Variants in KDM4B observed in about 807,000 individuals in gnomAD.
KDM4B encodes the protein lysine-specific demethylase 4B.
A neutral mutation model predicts 125.2 loss-of-function variants in KDM4B; 32 were observed. The ratio of observed to expected loss-of-function variants is 0.26; its 90% CI spans 0.19 to 0.34. The LOEUF (loss-of-function observed/expected upper bound fraction) is 0.34. Ranked by LOEUF, KDM4B falls within the 10% of genes least tolerant of loss-of-function variation. The pLI is 1.00. For synonymous variants in KDM4B, 721 were observed against 677.9 expected, an observed-to-expected ratio of 1.06 and a Z score of -0.99; for missense variants, 1,190 against 1,577.7, an observed-to-expected ratio of 0.75 and a Z score of 4.16.
intron 9 of KDM4B, among the ~76,000 whole-genome samples, chr19:5,089,478 C>G (rs1261736144): frequency 6.6e-6 from 1 of 152,088 alleles, no homozygotes; most frequent in Non-Finnish European, 1.5e-5. Context: ...GAGGTTTGCT[C>G]TGTATCTTTG....
At chr19:5,062,177 C>T (rs1048029082) in intron 6 of KDM4B, among the ~76,000 whole-genome samples, 1 of 152,196 alleles carries the variant, frequency 6.6e-6, no homozygotes, top group African/African-American at 2.4e-5. Context: ...ATCTCCTCTC[C>T]CTCTCTCTCA....
chr19:5,018,243 G>A (rs995728641), intron 2 of KDM4B, among the ~76,000 whole-genome samples: 14 of 152,174 alleles, frequency 9.2e-5, no homozygotes, highest in African/African-American at 3.1e-4. Flanking sequence ...GCCCAGGCTG[G>A]TCTCAAATTC....
At chr19:5,092,616 C>T (rs2038733354) in intron 9 of KDM4B, among the ~76,000 whole-genome samples, 1 of 152,176 alleles carries the variant, frequency 6.6e-6, no homozygotes, top group Non-Finnish European at 1.5e-5. Context: ...ATGGACAGAG[C>T]TGGTTCGGGG....
At chr19:5,053,225 C>T (rs963676531) in intron 6 of KDM4B, among the ~76,000 whole-genome samples, 14 of 152,340 alleles carry the variant, frequency 9.2e-5, no homozygotes, top group Admixed American at 6.5e-4. Context: ...CCAACCCTGG[C>T]GAGGGTGCCT....
chr19:5,018,906 A>G (rs1250929060), intron 2 of KDM4B, among the ~76,000 whole-genome samples: 2 of 152,182 alleles, frequency 1.3e-5, no homozygotes, highest in Non-Finnish European at 2.9e-5. Context: ...GCTCCATTTC[A>G]TGGCTGAGTC....
chr19:5,026,229 G>A (rs1050113051), intron 2 of KDM4B, among the ~76,000 whole-genome samples: 4 of 150,662 alleles, frequency 2.7e-5, no homozygotes, highest in Admixed American at 6.6e-5. Flanking sequence ...CTTCCTCTGC[G>A]GTCCCCCAGC....
rs78719614 is a variant in KDM4B at position 5,005,726 on chromosome 19, G to A, written c.-108-10531G>A. Among the ~76,000 whole-genome samples the A allele has an allele frequency of 6.1e-3, 931 of 152,256 alleles. 8 individuals carry two copies. Among genetic ancestry groups the A allele is most frequent in the African/African-American group, 0.021 (886 of 41,534 alleles). ...TCTGTACCATGTCCTCACCCAGGAC[G>A]TCCCTCTAAGATCGCTCTTAGAGGC... On this transcript the variant is annotated intron_variant, in intron 1 of 22. Transcript: ENST00000159111.
At chr19:5,030,116 T>C (rs941220257) in intron 2 of KDM4B, among the ~76,000 whole-genome samples, 4 of 152,140 alleles carry the variant, frequency 2.6e-5, no homozygotes, top group Admixed American at 2.0e-4. Context: ...ATTTATTTAT[T>C]TATCTATTTT....
At chr19:5,103,812 T>C (rs2038983780) in intron 9 of KDM4B, among the ~76,000 whole-genome samples, 1 of 152,188 alleles carries the variant, frequency 6.6e-6, no homozygotes, top group South Asian at 2.1e-4. Flanking sequence ...TGGCTTTTGC[T>C]CTGTGAGGCT....
chr19:5,058,189 C>A (rs863948), intron 6 of KDM4B, among the ~76,000 whole-genome samples: 1 of 151,766 alleles, frequency 6.6e-6, no homozygotes, highest in Admixed American at 6.6e-5. Context: ...TGCAGGGGCT[C>A]AGCCAACAGG....
chr19:5,091,206 C>G (rs575904580), intron 9 of KDM4B, among the ~76,000 whole-genome samples: 1 of 152,364 alleles, frequency 6.6e-6, no homozygotes, highest in East Asian at 1.9e-4. Flanking sequence ...AAGGGTCTCT[C>G]CTCCAGAGCC....
In KDM4B at chr19:4,990,918, C is replaced by T. The variant is rs530104745; in HGVS notation, c.-109+21688C>T. Among the ~76,000 whole-genome samples, 359 of 152,122 alleles carry T rather than the reference C, an allele frequency of 2.4e-3. 1 individual carries two copies. The highest frequency in any genetic ancestry group is 0.01 in the Middle Eastern group (3 of 294). On this transcript the variant is annotated intron_variant, in intron 1 of 22. Coordinates refer to ENST00000159111, the MANE Select transcript of KDM4B (RefSeq NM_015015.3). ...GGCGGACCACCTGAGATCAGGAGTT[C>T]GAGACCAGCCTGACCAATATGGTGA...
chr19:5,047,798 C>T (rs1460107969), intron 6 of KDM4B, 129 bp downstream of exon 6: 74 of 873,312 alleles, frequency 8.5e-5, no homozygotes, highest in Non-Finnish European at 1.1e-4. Flanking sequence ...CGGCCTATGA[C>T]GGCTGGAGAT....
At chr19:5,101,305 TG>T (rs1342456850) in intron 9 of KDM4B, among the ~76,000 whole-genome samples, 4 of 151,004 alleles carry the variant, frequency 2.6e-5, no homozygotes, top group Non-Finnish European at 5.9e-5. Flanking sequence ...TTTTGATCTC[TG>T]GGGATCATAG....
In KDM4B at chr19:5,144,817, A is replaced by AGGG; in HGVS notation, c.2939_2941dup (p.Gly980dup). 6.2e-7 allele frequency: 1 copy of AGGG among 1,613,236 alleles called. No individual in the cohort carries two copies. Reference sequence around the variant, plus strand: ...TGTGTCCAGCTGGGACCCCCTTCCGAGGGGGAGCTGGTGGAGCTCCGGTGG... The same window carrying AGGG: ...TGTGTCCAGCTGGGACCCCCTTCCGAGGGGGGGGAGCTGGTGGAGCTCCGGTGG... On this transcript the variant is annotated inframe_insertion, in exon 21 of 23. Coordinates refer to ENST00000159111, the MANE Select transcript of KDM4B (RefSeq NM_015015.3).
rs78135504 is a variant in KDM4B, at chr19:5,061,874, A to C, written c.627-9136A>C. On this transcript the variant is annotated intron_variant, in intron 6 of 22. Transcript: ENST00000159111. ...AACAACAAAAAACAACAACAAAAAA[A>C]AACAGAAGAAAGAAATAGGGTAGCT... Among the ~76,000 whole-genome samples the C allele has an allele frequency of 9.6e-4, 146 of 152,196 alleles. 1 individual carries two copies. Among genetic ancestry groups the C allele is most frequent in the African/African-American group, 3.0e-3 (126 of 41,554 alleles).
At chr19:5,094,134 G>A (rs943698167) in intron 9 of KDM4B, among the ~76,000 whole-genome samples, 7 of 152,180 alleles carry the variant, frequency 4.6e-5, no homozygotes, top group African/African-American at 1.4e-4. Flanking sequence ...TGGTCACGCG[G>A]CCCCTCCTCC....
intron 21 of KDM4B, among the ~76,000 whole-genome samples, chr19:5,146,238 C>A (rs1046833297): frequency 1.3e-5 from 2 of 151,534 alleles, no homozygotes; most frequent in African/African-American, 2.4e-5. Flanking sequence ...CATCCAGGAC[C>A]CCCCCCGCTC....
chr19:5,082,301 C>T lies in KDM4B; in HGVS notation c.781-66C>T, dbSNP rs999005550. On this transcript the variant is annotated intron_variant, in intron 8 of 22. Transcript: ENST00000159111. The surrounding 1 kb of genome is among the most constrained non-coding windows in gnomAD (Gnocchi z 5.4). Reference sequence around the variant, plus strand: ...GCTCCCTGGCACTTGCTGGGAAGTGCCCACGTCCCATCCCCTGGTGCGCCT... The same window carrying T: ...GCTCCCTGGCACTTGCTGGGAAGTGTCCACGTCCCATCCCCTGGTGCGCCT... 1.6e-5 allele frequency: 26 copies of T among 1,595,532 alleles called. 1 individual carries two copies. The highest frequency in any genetic ancestry group is 2.1e-5 in the Non-Finnish European group (25 of 1,168,564).
Sources: allele counts gnomAD v4.1 joint callset (sites outside exome capture counted in the v4.1 genomes callset), GRCh38; gene constraint gnomAD v4.1.1; non-coding constraint Gnocchi (gnomAD v3.1); transcripts MANE v1.5; gene names NCBI Gene and HGNC (gene_info 2026-07-23, HGNC 2026-07-21).